SYT1: variants seen among roughly 807,000 people sequenced by gnomAD.
SYT1 encodes synaptotagmin 1, also known as synaptotagmin-1.
In SYT1, 8 loss-of-function variants were observed where a neutral mutation model predicts 44.8. The ratio of observed to expected loss-of-function variants is 0.18; its 90% CI spans 0.10 to 0.32. SYT1 has a LOEUF of 0.32. Among genes scored for constraint, SYT1 ranks in the 10% least tolerant of loss-of-function variants. The probability of loss-of-function intolerance (pLI) is 1.00; values close to 1 mark genes in which losing one functional copy is unlikely to be tolerated. For synonymous variants in SYT1, 154 were observed against 188.8 expected, an observed-to-expected ratio of 0.82 and a Z score of 1.51; for missense variants, 286 against 509.3, an observed-to-expected ratio of 0.56 and a Z score of 4.22.
At chr12:79,329,111 G>C (rs1881742210) in intron 8 of SYT1, among the ~76,000 whole-genome samples, 1 of 152,130 alleles carries the variant, frequency 6.6e-6, no homozygotes, top group South Asian at 2.1e-4. Flanking sequence ...GAGGGGTTAA[G>C]TGGAAAATGA....
At chr12:79,241,434 C>A (rs1423877423) in intron 4 of SYT1, among the ~76,000 whole-genome samples, 1 of 151,934 alleles carries the variant, frequency 6.6e-6, no homozygotes, top group Non-Finnish European at 1.5e-5. Context: ...CCATGCCCGG[C>A]TAATTTTTTG....
intron 1 of SYT1, among the ~76,000 whole-genome samples, chr12:78,901,415 C>T (rs950301263): frequency 6.6e-6 from 1 of 152,080 alleles, no homozygotes; most frequent in African/African-American, 2.4e-5. Context: ...CAAACACACA[C>T]TGTATTTAAA....
chr12:79,186,934 A>C (rs1435538417), intron 3 of SYT1, among the ~76,000 whole-genome samples: 1 of 151,996 alleles, frequency 6.6e-6, no homozygotes, highest in Non-Finnish European at 1.5e-5. Context: ...AATAATATTT[A>C]CTCCTTAAAA....
At chr12:79,098,350 A>G (rs1040213527) in intron 3 of SYT1, among the ~76,000 whole-genome samples, 1 of 152,052 alleles carries the variant, frequency 6.6e-6, no homozygotes. Flanking sequence ...TCTACTAACA[A>G]AATTTTTTGT....
intron 1 of SYT1, among the ~76,000 whole-genome samples, chr12:78,948,815 A>G (rs1878805113): frequency 6.6e-6 from 1 of 151,808 alleles, no homozygotes; most frequent in South Asian, 2.1e-4. Context: ...CTACTTGCAT[A>G]GTGTCCATGG....
intron 3 of SYT1, among the ~76,000 whole-genome samples, chr12:79,188,956 C>G (rs1872955823): frequency 1.3e-5 from 1 of 74,550 alleles, no homozygotes; most frequent in African/African-American, 6.1e-5. Context: ...AATCACTAAC[C>G]TATTTTTTTT....
intron 3 of SYT1, among the ~76,000 whole-genome samples, chr12:79,095,625 T>C (rs1878076852): frequency 6.6e-6 from 1 of 151,930 alleles, no homozygotes; most frequent in Non-Finnish European, 1.5e-5. Context: ...CTTGCCACTC[T>C]TACTCAACTG....
At chr12:79,031,880 A>T (rs552894012) in intron 2 of SYT1, among the ~76,000 whole-genome samples, 7 of 151,270 alleles carry the variant, frequency 4.6e-5, no homozygotes, top group African/African-American at 1.7e-4. Context: ...AATGGTCACA[A>T]ATCATGTTTA....
intron 3 of SYT1, among the ~76,000 whole-genome samples, chr12:79,166,920 G>C (rs1445983719): frequency 6.6e-6 from 1 of 152,006 alleles, no homozygotes; most frequent in Non-Finnish European, 1.5e-5. Context: ...CATGTAAAAC[G>C]AGGATATAAT....
At chr12:79,241,320 G>A (rs1876497525) in intron 4 of SYT1, among the ~76,000 whole-genome samples, 1 of 151,744 alleles carries the variant, frequency 6.6e-6, no homozygotes, top group South Asian at 2.1e-4. Context: ...ACCCAGGCTG[G>A]AGTGCAGTGG....
chr12:79,283,740 T>C (rs1879166643), intron 4 of SYT1, among the ~76,000 whole-genome samples: 1 of 152,122 alleles, frequency 6.6e-6, no homozygotes, highest in South Asian at 2.1e-4. Flanking sequence ...TTATGTAATC[T>C]TTACCTTGTT....
chr12:79,111,885 T>A (rs1879031894), intron 3 of SYT1, among the ~76,000 whole-genome samples: 1 of 152,112 alleles, frequency 6.6e-6, no homozygotes, highest in African/African-American at 2.4e-5. Flanking sequence ...AAAATTTTAC[T>A]ACACCGAAGT....
In SYT1 at chr12:79,213,075, G is replaced by C. The variant is rs868731013; in HGVS notation, c.-17-4428G>C. On this transcript the variant is annotated intron_variant, in intron 3 of 10. Transcript: ENST00000261205. ...ATTTTAGTGGTTTTTCAAACTGCAG[G>C]TATCAAATCATGAGTGGATTGTGAA... 9.2e-5 allele frequency among the ~76,000 whole-genome samples: 14 copies of C among 152,206 alleles called. No homozygotes were observed. The Middle Eastern group carries it at 0.01, about 111-fold the overall frequency.
intron 3 of SYT1, among the ~76,000 whole-genome samples, chr12:79,111,355 C>T (rs1878998349): frequency 6.6e-6 from 1 of 151,978 alleles, no homozygotes; most frequent in African/African-American, 2.4e-5. Flanking sequence ...CTTTCTCTTC[C>T]TGGAACACCC....
chr12:79,314,206 G>C (rs896883630), intron 8 of SYT1, among the ~76,000 whole-genome samples: 11 of 144,710 alleles, frequency 7.6e-5, no homozygotes, highest in African/African-American at 2.8e-4. Context: ...AGCGGTTTTT[G>C]TTATTAAAAA....
intron 1 of SYT1, among the ~76,000 whole-genome samples, chr12:78,963,120 G>T (rs12580990): frequency 0.07 from 10,635 of 151,702 alleles, 449 homozygotes; most frequent in East Asian, 0.15. Context: ...CATTCATGTC[G>T]CTGTATATTA....
intron 3 of SYT1, among the ~76,000 whole-genome samples, chr12:79,181,420 T>C (rs945107225): frequency 6.6e-6 from 1 of 152,090 alleles, no homozygotes; most frequent in Non-Finnish European, 1.5e-5. Flanking sequence ...ATAAAAATGA[T>C]TGAATGCATA....
intron 4 of SYT1, among the ~76,000 whole-genome samples, chr12:79,253,862 T>C (rs1416302846): frequency 6.6e-6 from 1 of 152,186 alleles, no homozygotes; most frequent in African/African-American, 2.4e-5. Flanking sequence ...TCAAACTAGC[T>C]ACAACTACCT....
At chr12:79,235,089 C>T (rs758164761) in intron 4 of SYT1, among the ~76,000 whole-genome samples, 15 of 152,248 alleles carry the variant, frequency 9.9e-5, no homozygotes, top group Admixed American at 2.0e-4. Context: ...ATTATGTTTT[C>T]GTTTCTCTTA....
Sources: allele counts gnomAD v4.1 joint callset (sites outside exome capture counted in the v4.1 genomes callset), GRCh38; gene constraint gnomAD v4.1.1; transcripts MANE v1.5; gene names NCBI Gene and HGNC (gene_info 2026-07-23, HGNC 2026-07-21).